Variants in ZDHHC2 observed in about 807,000 individuals in gnomAD.
ZDHHC2 encodes the protein zDHHC palmitoyltransferase 2.
A neutral mutation model predicts 55.6 loss-of-function variants in ZDHHC2; 51 were observed. The observed-to-expected ratio is 0.92, with a 90% CI of 0.73 to 1.16. The LOEUF is 1.16. Among genes scored for constraint, ZDHHC2 ranks in the 50% most tolerant of loss-of-function variants. ZDHHC2 has a pLI of 0.00. For synonymous variants in ZDHHC2, 199 were observed against 152.9 expected (o/e 1.30, Z -2.22); for missense variants, 491 against 442.4 (o/e 1.11, Z -0.99).
At chr8:17,212,219 G>T (rs914604057) in intron 10 of ZDHHC2, among the ~76,000 whole-genome samples, 1 of 152,008 alleles carries the variant, frequency 6.6e-6, no homozygotes. Flanking sequence ...TAAAATTTTC[G>T]TGGCAAGTTC....
intron 6 of ZDHHC2, among the ~76,000 whole-genome samples, chr8:17,204,783 A>C (rs1345388187): frequency 6.6e-6 from 1 of 152,220 alleles, no homozygotes; most frequent in Non-Finnish European, 1.5e-5. Flanking sequence ...TGTCTAACAA[A>C]CCTGCACTTG....
chr8:17,185,320 G>C (rs957195405), intron 2 of ZDHHC2, among the ~76,000 whole-genome samples: 1 of 152,010 alleles, frequency 6.6e-6, no homozygotes, highest in Non-Finnish European at 1.5e-5. Context: ...GTGTATTAAT[G>C]TATTACCCAG....
intron 6 of ZDHHC2, among the ~76,000 whole-genome samples, chr8:17,199,505 CTT>C (rs1563161104): frequency 1.4e-4 from 5 of 36,830 alleles, no homozygotes; most frequent in Middle Eastern, 0.013. Flanking sequence ...TCTTCTTCTT[CTT>C]CTTCTTCGTC....
chr8:17,199,762 CTTTT>C (rs36175869), intron 6 of ZDHHC2, among the ~76,000 whole-genome samples: 1 of 129,036 alleles, frequency 7.7e-6, no homozygotes, highest in Non-Finnish European at 1.6e-5. Context: ...CTTTCTTCTT[CTTTT>C]TTTTTTTTTT....
intron 11 of ZDHHC2, 81 bp downstream of exon 11, chr8:17,215,430 T>C (rs1202656020): frequency 2.9e-6 from 3 of 1,043,056 alleles, no homozygotes; most frequent in African/African-American, 3.2e-5. Flanking sequence ...TCCATTATAC[T>C]ACCTACAGAT....
intron 1 of ZDHHC2, among the ~76,000 whole-genome samples, chr8:17,167,432 A>G (rs1804658118): frequency 6.7e-6 from 1 of 150,348 alleles, no homozygotes; most frequent in East Asian, 2.0e-4. Context: ...CAGCCTCTCG[A>G]GTAGCTGGGA....
chr8:17,215,900 G>C (rs748673919), intron 11 of ZDHHC2, among the ~76,000 whole-genome samples: 48 of 152,152 alleles, frequency 3.2e-4, no homozygotes, highest in South Asian at 2.1e-4. Context: ...AACAAGCAAG[G>C]CTCCGAAGTC....
chr8:17,215,563 T>C (rs984611223), intron 11 of ZDHHC2, among the ~76,000 whole-genome samples: 1 of 152,210 alleles, frequency 6.6e-6, no homozygotes, highest in African/African-American at 2.4e-5. Flanking sequence ...TGGATCTGCA[T>C]TGCCTTTTTT....
chr8:17,178,018 G>T (rs1255244158), intron 1 of ZDHHC2, among the ~76,000 whole-genome samples: 2 of 152,094 alleles, frequency 1.3e-5, no homozygotes, highest in Non-Finnish European at 2.9e-5. Flanking sequence ...CATTGTTTTA[G>T]AAACACTTTA....
intron 1 of ZDHHC2, among the ~76,000 whole-genome samples, chr8:17,170,740 A>G (rs1804817781): frequency 1.3e-5 from 2 of 152,232 alleles, no homozygotes; most frequent in East Asian, 3.8e-4. Context: ...CCAGATAATA[A>G]GAAACTGATG....
intron 8 of ZDHHC2, among the ~76,000 whole-genome samples, chr8:17,209,697 A>G (rs1239957923): frequency 1.3e-5 from 2 of 152,168 alleles, no homozygotes; most frequent in African/African-American, 4.8e-5. Flanking sequence ...TACAATGCAC[A>G]TGTACTATTA....
rs1808047872 is a variant in ZDHHC2 at position 17,224,580 on chromosome 8, A to ATT, written c.*4359_*4360insTT. The stretch of plus-strand genomic sequence containing the variant: ...TATATTGCTTCTGTTTGATTGATAA[A>ATT]GGTGCTTAATCAATTGAAAAAAAAA... On this transcript the variant is annotated 3_prime_UTR_variant, in exon 13 of 13. Transcript: ENST00000262096. 6.6e-6 allele frequency: 1 copy of ATT among 151,652 alleles called. No individual in the cohort carries two copies. The highest frequency in any genetic ancestry group is 2.4e-5 in the African/African-American group (1 of 41,370). The allele number at this position is 151,652 out of a possible 1,614,324, so 9.4% of individuals were successfully genotyped here. A position where few individuals can be genotyped will look rare whatever the true frequency, so the allele number is the denominator to read the frequency against.
At chr8:17,176,439 A>T (rs1485059841) in intron 1 of ZDHHC2, among the ~76,000 whole-genome samples, 1 of 152,196 alleles carries the variant, frequency 6.6e-6, no homozygotes, top group African/African-American at 2.4e-5. Context: ...CTTTTGCCTT[A>T]GGTCTTCAAA....
At position 17,156,807 on chromosome 8, in the gene ZDHHC2, C is replaced by A. The variant is rs1420728739; in HGVS notation, c.84C>A (p.Leu28=). The A allele has an allele frequency of 6.6e-7, 1 of 1,522,636 alleles. No individual in the cohort carries two copies. The highest frequency in any genetic ancestry group is 8.8e-7 in the Non-Finnish European group (1 of 1,133,730). 94.3% of individuals were successfully genotyped at this position (1,522,636 alleles called of 1,614,324 possible). Residue 28 remains leucine, a synonymous_variant, in exon 1 of 13, where the codon CTC becomes CTA. Transcript: ENST00000262096. ...GGATCCCGGTGGTGTTCATCACCCT[C>A]CTGCTCGGCTGGTCCTACTACGCCT... The part of the protein sequence containing the change: ...LYWIPVVFIT[L]LLGWSYYAYA...
intron 6 of ZDHHC2, among the ~76,000 whole-genome samples, chr8:17,199,392 C>CT (rs759763056): frequency 1.3e-5 from 2 of 150,952 alleles, no homozygotes; most frequent in Non-Finnish European, 2.9e-5. Flanking sequence ...ATTCTTTTGC[C>CT]CCCCTGCCCC....
At chr8:17,215,683 T>C (rs181015336) in intron 11 of ZDHHC2, among the ~76,000 whole-genome samples, 36 of 152,286 alleles carry the variant, frequency 2.4e-4, no homozygotes, top group Admixed American at 2.0e-3. Context: ...AGATAGAAGA[T>C]AAATATCTAC....
intron 1 of ZDHHC2, among the ~76,000 whole-genome samples, chr8:17,183,717 G>A (rs76166222): frequency 0.021 from 3,205 of 152,210 alleles, 55 homozygotes; most frequent in Non-Finnish European, 0.033. Flanking sequence ...GGAAGCCTCA[G>A]TATCACAGGT....
At chr8:17,175,346 G>T (rs1224534300) in intron 1 of ZDHHC2, among the ~76,000 whole-genome samples, 1 of 152,114 alleles carries the variant, frequency 6.6e-6, no homozygotes, top group Non-Finnish European at 1.5e-5. Context: ...CACCCACATT[G>T]TAATTTATTT....
At chr8:17,199,351 G>T (rs568520782) in intron 6 of ZDHHC2, among the ~76,000 whole-genome samples, 99 of 151,112 alleles carry the variant, frequency 6.6e-4, no homozygotes, top group African/African-American at 2.4e-3. Context: ...AATAAATAAC[G>T]CCCCCTTCGT....
Sources: allele counts gnomAD v4.1 joint callset (sites outside exome capture counted in the v4.1 genomes callset), GRCh38; gene constraint gnomAD v4.1.1; transcripts MANE v1.5; gene names NCBI Gene and HGNC (gene_info 2026-07-23, HGNC 2026-07-21).